The following LRRC8C variants were observed in gnomAD, a reference collection of about 807,000 sequenced individuals.
The protein encoded by LRRC8C is volume-regulated anion channel subunit LRRC8C.
Under a neutral mutation model 55.3 loss-of-function variants are expected in LRRC8C, and 20 were observed. That is an observed-to-expected ratio of 0.36 (90% CI 0.25 to 0.53). The LOEUF is 0.53. LRRC8C is among the 20% of genes least tolerant of loss of function. The pLI is 0.92. For missense variants in LRRC8C, 659 were observed against 951.4 expected, an observed-to-expected ratio of 0.69 and a Z score of 4.04; for synonymous variants, 376 against 360.7, an observed-to-expected ratio of 1.04 and a Z score of -0.48.
intron 2 of LRRC8C, among the ~76,000 whole-genome samples, chr1:89,690,488 AG>A: frequency 6.6e-6 from 1 of 152,318 alleles, no homozygotes; most frequent in South Asian, 2.1e-4. Context: ...GCGCTGCTGC[AG>A]GATCTGCCTA....
At chr1:89,709,906 C>T (rs765722920) in intron 2 of LRRC8C, among the ~76,000 whole-genome samples, 1 of 152,028 alleles carries the variant, frequency 6.6e-6, no homozygotes, top group African/African-American at 2.4e-5. Flanking sequence ...CGCCCGCCAC[C>T]GCGCCCGGCT....
At position 89,713,596 on chromosome 1, in the gene LRRC8C, C is replaced by T. The variant is rs1658718341; in HGVS notation, c.1026C>T (p.Phe342=). The change falls in exon 3 of 3, where the codon TTC becomes TTT. Residue 342 remains phenylalanine, a synonymous_variant. Transcript: ENST00000370454. This position sits in a 1 kb window ranked among gnomAD's most constrained non-coding sequence, Gnocchi z 5.2. ...LTCLYTLYWL[F]YRSLREYSFE... ...GCCTTTATACCTTATACTGGCTGTTCTACCGTTCTCTACGGGAATATTCCT... is the reference window on the plus strand; with the variant it reads ...GCCTTTATACCTTATACTGGCTGTTTTACCGTTCTCTACGGGAATATTCCT... The T allele has an allele frequency of 1.9e-6, 3 of 1,614,040 alleles. No homozygotes were observed. The highest frequency in any genetic ancestry group is 2.5e-6 in the Non-Finnish European group (3 of 1,180,026).
Position 89,714,302 on chromosome 1 carries a change from A to T in LRRC8C, c.1732A>T (p.Lys578Ter), listed in dbSNP as rs768507215. The T allele has an allele frequency of 6.2e-7, 1 of 1,614,172 alleles. No individual in the cohort carries two copies. Among genetic ancestry groups the T allele is most frequent in the Non-Finnish European group, 8.5e-7 (1 of 1,180,032 alleles). The stretch of plus-strand genomic sequence containing the variant: ...GATGTGCATACATAATGATGGCACC[A>T]AGCTGGTGATGCTCAACAACTTAAA... ...QKMCIHNDGT[K>*]LVMLNNLKKM... The change falls in exon 3 of 3, where the codon AAG becomes TAG. Residue 578 changes from lysine to a stop codon, truncating the protein, a stop_gained. Transcript: ENST00000370454. LOFTEE classifies it high-confidence loss of function. This position sits in a 1 kb window ranked among gnomAD's most constrained non-coding sequence, Gnocchi z 4.6.
chr1:89,655,280 A>G (rs1340773488), intron 1 of LRRC8C, among the ~76,000 whole-genome samples: 3 of 151,944 alleles, frequency 2.0e-5, no homozygotes, highest in Non-Finnish European at 4.4e-5. Context: ...TTTATTTTAT[A>G]AATACAGTAT....
intron 2 of LRRC8C, among the ~76,000 whole-genome samples, chr1:89,688,717 C>G (rs2101290283): frequency 6.6e-6 from 1 of 152,252 alleles, no homozygotes; most frequent in Middle Eastern, 3.4e-3. Flanking sequence ...GTTTGGTTTC[C>G]CCGGAGACCT....
chr1:89,714,310 G>C lies in LRRC8C; in HGVS notation c.1740G>C (p.Val580=). The C allele has an allele frequency of 6.2e-7, 1 of 1,614,174 alleles. No homozygotes were observed. The highest frequency in any genetic ancestry group is 8.5e-7 in the Non-Finnish European group (1 of 1,180,036). Residue 580 remains valine, a synonymous_variant, in exon 3 of 3, where the codon GTG becomes GTC. Transcript: ENST00000370454. The surrounding 1 kb of genome is among the most constrained non-coding windows in gnomAD (Gnocchi z 4.6). ...MCIHNDGTKL[V]MLNNLKKMTN... ...TACATAATGATGGCACCAAGCTGGT[G>C]ATGCTCAACAACTTAAAGAAGATGA...
upstream of LRRC8C, among the ~76,000 whole-genome samples, chr1:89,629,572 C>A (rs1164525768): frequency 6.6e-6 from 1 of 152,086 alleles, no homozygotes; most frequent in South Asian, 2.1e-4. Flanking sequence ...GGTTTTAGAG[C>A]CTGTAGTATA....
At chr1:89,659,955 G>A (rs1413423761) in intron 1 of LRRC8C, among the ~76,000 whole-genome samples, 1 of 152,144 alleles carries the variant, frequency 6.6e-6, no homozygotes, top group Non-Finnish European at 1.5e-5. Flanking sequence ...GAGGTGAAGA[G>A]AGCAAGTAGG....
In LRRC8C at chr1:89,633,146, G is replaced by C. The variant is rs1656163818; in HGVS notation, c.-181G>C. The C allele has an allele frequency of 6.6e-6, 1 of 152,074 alleles. No homozygotes were observed. The allele number at this position is 152,074 out of a possible 1,614,324, so 9.4% of individuals were successfully genotyped here. A position where few individuals can be genotyped will look rare whatever the true frequency, so the allele number is the denominator to read the frequency against. ...TTAGCTGCGTCCCGGCTGGAAGCCC[G>C]CGAAGAGAAGTAGGAGGAAGGCGCC... is the stretch of plus-strand genomic sequence containing the variant. On this transcript the variant is annotated 5_prime_UTR_variant, in exon 1 of 3. Transcript: ENST00000370454.
intron 1 of LRRC8C, among the ~76,000 whole-genome samples, chr1:89,646,337 C>T (rs1656614834): frequency 6.6e-6 from 1 of 152,046 alleles, no homozygotes; most frequent in South Asian, 2.1e-4. Flanking sequence ...TATGCCAATA[C>T]ATTTGACAAC....
rs1436867275 is a variant in LRRC8C at position 89,688,162 on chromosome 1, T to TGTGTCA, written c.138+1551_138+1552insGTGTCA. On this transcript the variant is annotated intron_variant, in intron 2 of 2. Transcript: ENST00000370454. ...GCTCTTAGTCCCTCACACCATGCTG[T>TGTGTCA]CTTTTATTTGGTCACTGAAAATATC... 3.9e-5 allele frequency among the ~76,000 whole-genome samples: 6 copies of TGTGTCA among 152,192 alleles called. No homozygotes were observed. The East Asian group carries it at 9.6e-4, about 24-fold the overall frequency.
chr1:89,621,199 G>C, the LRRC8C span, among the ~76,000 whole-genome samples: 2 of 151,420 alleles, frequency 1.3e-5, no homozygotes, highest in Non-Finnish European at 1.5e-5. Flanking sequence ...GGTGGCTCAC[G>C]CCTGTAATCC....
chr1:89,618,766 A>C, the LRRC8C span, among the ~76,000 whole-genome samples: 1 of 152,248 alleles, frequency 6.6e-6, no homozygotes, highest in East Asian at 1.9e-4. Context: ...AAGATAGCCA[A>C]GTAATATAGA....
intron 2 of LRRC8C, among the ~76,000 whole-genome samples, chr1:89,699,387 A>T (rs1658260000): frequency 6.6e-6 from 1 of 152,196 alleles, no homozygotes; most frequent in South Asian, 2.1e-4. Flanking sequence ...GATGACAGTG[A>T]TGTGTCAATG....
At chr1:89,704,875 G>A (rs1658431377) in intron 2 of LRRC8C, among the ~76,000 whole-genome samples, 1 of 152,026 alleles carries the variant, frequency 6.6e-6, no homozygotes. Context: ...CGATTCCTCA[G>A]GGATCTAGAA....
At chr1:89,675,150 A>G (rs890322478) in intron 1 of LRRC8C, among the ~76,000 whole-genome samples, 2 of 152,230 alleles carry the variant, frequency 1.3e-5, no homozygotes, top group Admixed American at 1.3e-4. Flanking sequence ...AGAAAAGACA[A>G]CTTTCTCCCT....
chr1:89,686,734 G>GT (rs1657895518), intron 2 of LRRC8C, 123 bp downstream of exon 2: 1 of 1,105,596 alleles, frequency 9.0e-7, no homozygotes, highest in Admixed American at 2.3e-5. Context: ...CTCTGTGGAT[G>GT]TATTTGTAAT....
chr1:89,671,349 A>G (rs1181761173), intron 1 of LRRC8C, among the ~76,000 whole-genome samples: 2 of 149,954 alleles, frequency 1.3e-5, no homozygotes, highest in Non-Finnish European at 2.9e-5. Context: ...CAAGGAAGGG[A>G]AGAAAAAGAG....
chr1:89,644,368 GT>G (rs1656553334), intron 1 of LRRC8C, among the ~76,000 whole-genome samples: 1 of 152,086 alleles, frequency 6.6e-6, no homozygotes, highest in African/African-American at 2.4e-5. Flanking sequence ...TAGAGACAGG[GT>G]TTTACCATGT....
Sources: allele counts gnomAD v4.1 joint callset (sites outside exome capture counted in the v4.1 genomes callset), GRCh38; gene constraint gnomAD v4.1.1; non-coding constraint Gnocchi (gnomAD v3.1); transcripts MANE v1.5; gene names NCBI Gene and HGNC (gene_info 2026-07-23, HGNC 2026-07-21).